Variants in WWOX observed in about 807,000 individuals in gnomAD.
The protein encoded by WWOX is WW domain containing oxidoreductase.
In WWOX, 69 loss-of-function variants were observed where a neutral mutation model predicts 46.2. The observed-to-expected ratio is 1.49, with a 90% confidence interval of 1.23 to 1.82. WWOX has a LOEUF of 1.82. Among genes scored for constraint, WWOX ranks in the 40% most tolerant of loss-of-function variants. The probability of loss-of-function intolerance (pLI) is 0.00; values close to 1 mark genes in which losing one functional copy is unlikely to be tolerated. For synonymous variants in WWOX, 359 were observed against 202.6 expected (o/e 1.77, Z -6.56); for missense variants, 919 against 542.6 (o/e 1.69, Z -6.89).
At chr16:79,197,995 A>G (rs71398137) in intron 8 of WWOX, among the ~76,000 whole-genome samples, 2,877 of 152,212 alleles carry the variant, frequency 0.019, 42 homozygotes, top group Middle Eastern at 0.078. Context: ...GTTTAAATCA[A>G]TTGGTCATCT....
At chr16:78,959,347 C>T (rs1461290088) in intron 8 of WWOX, among the ~76,000 whole-genome samples, 1 of 152,190 alleles carries the variant, frequency 6.6e-6, no homozygotes, top group Non-Finnish European at 1.5e-5. Context: ...CTGTGCTTGG[C>T]CCTGAGAAAG....
chr16:78,278,542 C>T, intron 5 of WWOX: 3 of 1,492,128 alleles, frequency 2.0e-6, no homozygotes, highest in Non-Finnish European at 2.7e-6. Context: ...CTTCAAGAAA[C>T]AGTTCTATGT....
intron 8 of WWOX, among the ~76,000 whole-genome samples, chr16:78,975,158 G>C (rs758917155): frequency 6.6e-6 from 1 of 152,116 alleles, no homozygotes; most frequent in South Asian, 2.1e-4. Context: ...AGTCAACATT[G>C]TTATGTTTTA....
At chr16:78,848,896 C>T (rs2052367943) in intron 8 of WWOX, among the ~76,000 whole-genome samples, 1 of 151,534 alleles carries the variant, frequency 6.6e-6, no homozygotes, top group East Asian at 1.9e-4. Context: ...AGTTTTTATC[C>T]TTGCAGATAA....
chr16:79,139,594 TTTTC>T (rs575354695), intron 8 of WWOX, among the ~76,000 whole-genome samples: 168 of 152,272 alleles, frequency 1.1e-3, no homozygotes, highest in African/African-American at 3.4e-3. Flanking sequence ...TTTCTTTTCT[TTTTC>T]TTTCTTTCTT....
chr16:78,698,894 T>G (rs1485431326), intron 8 of WWOX, among the ~76,000 whole-genome samples: 1 of 152,204 alleles, frequency 6.6e-6, no homozygotes, highest in Non-Finnish European at 1.5e-5. Context: ...TCTGACACTT[T>G]TATAAATGTA....
At chr16:78,388,203 G>C (rs764592690) in intron 6 of WWOX, among the ~76,000 whole-genome samples, 3 of 152,120 alleles carry the variant, frequency 2.0e-5, no homozygotes, top group African/African-American at 4.8e-5. Flanking sequence ...GCTAATTTTT[G>C]TATTTTTAGT....
chr16:78,889,848 G>A (rs1366602005), intron 8 of WWOX, among the ~76,000 whole-genome samples: 1 of 152,154 alleles, frequency 6.6e-6, no homozygotes, highest in Non-Finnish European at 1.5e-5. Context: ...TACGTTTGCT[G>A]TATCTGGAGA....
At chr16:78,643,719 A>G (rs1314994431) in intron 8 of WWOX, among the ~76,000 whole-genome samples, 1 of 151,996 alleles carries the variant, frequency 6.6e-6, no homozygotes, top group East Asian at 1.9e-4. Context: ...ACCTTCTAGG[A>G]ACTGATTTAA....
At chr16:79,181,401 C>G (rs549152656) in intron 8 of WWOX, among the ~76,000 whole-genome samples, 5 of 152,228 alleles carry the variant, frequency 3.3e-5, no homozygotes, top group African/African-American at 9.6e-5. Context: ...CTTATGAATA[C>G]TACAGCAATA....
At chr16:78,633,224 T>G (rs1352058120) in intron 8 of WWOX, among the ~76,000 whole-genome samples, 2 of 152,156 alleles carry the variant, frequency 1.3e-5, no homozygotes, top group East Asian at 1.9e-4. Context: ...ATCGTGCCAC[T>G]GCGCTCCATG....
At chr16:78,895,043 A>C (rs1045470486) in intron 8 of WWOX, among the ~76,000 whole-genome samples, 4 of 152,194 alleles carry the variant, frequency 2.6e-5, no homozygotes, top group African/African-American at 9.7e-5. Flanking sequence ...TCTATGTCTT[A>C]TCTTGGTAGT....
At chr16:78,495,712 T>C (rs2084901691) in intron 8 of WWOX, among the ~76,000 whole-genome samples, 1 of 151,980 alleles carries the variant, frequency 6.6e-6, no homozygotes. Context: ...TTTCACCATG[T>C]TGGCCAGGGT....
chr16:78,773,761 A>G (rs1306431500), intron 8 of WWOX, among the ~76,000 whole-genome samples: 2 of 152,210 alleles, frequency 1.3e-5, no homozygotes, highest in Non-Finnish European at 2.9e-5. Flanking sequence ...GGCGACAAAC[A>G]AAGAGAAGCA....
intron 8 of WWOX, among the ~76,000 whole-genome samples, chr16:78,648,395 C>G (rs538242373): frequency 2.0e-5 from 3 of 152,234 alleles, no homozygotes; most frequent in East Asian, 1.9e-4. Context: ...GAGTTTTTGT[C>G]AAGATCATTT....
chr16:78,202,115 C>G (rs1215471681), intron 5 of WWOX, among the ~76,000 whole-genome samples: 1 of 152,158 alleles, frequency 6.6e-6, no homozygotes, highest in East Asian at 1.9e-4. Flanking sequence ...GGCTGAAAAC[C>G]TGCTAAATAA....
intron 8 of WWOX, among the ~76,000 whole-genome samples, chr16:79,082,168 A>G (rs556754263): frequency 4.5e-4 from 69 of 152,276 alleles, no homozygotes; most frequent in African/African-American, 1.5e-3. Context: ...GGTTGTAACA[A>G]ATCTGATTCC....
chr16:79,029,996 G>A (rs1005675611), intron 8 of WWOX, among the ~76,000 whole-genome samples: 3 of 152,128 alleles, frequency 2.0e-5, no homozygotes, highest in Non-Finnish European at 4.4e-5. Flanking sequence ...CAACCGCTAT[G>A]AACTCTGATG....
chr16:78,362,639 G>T (rs945803816), intron 5 of WWOX, among the ~76,000 whole-genome samples: 1 of 151,698 alleles, frequency 6.6e-6, no homozygotes, highest in African/African-American at 2.4e-5. Flanking sequence ...GAAAAGAAAG[G>T]AAAAAAAATC....
Sources: gnomAD v4.1 joint callset for allele counts (sites outside exome capture counted in the v4.1 genomes callset) on GRCh38, gnomAD v4.1.1 for gene constraint, MANE v1.5 for transcripts, NCBI Gene and HGNC (gene_info 2026-07-23, HGNC 2026-07-21) for gene names.